The following WASHC2A variants were observed in gnomAD, a reference collection of about 807,000 sequenced individuals.
The protein encoded by WASHC2A is WASH complex subunit 2A.
A neutral mutation model predicts 140.3 loss-of-function variants in WASHC2A; 82 were observed. That is an observed-to-expected ratio of 0.58 (90% CI 0.49 to 0.70). The LOEUF (loss-of-function observed/expected upper bound fraction) is 0.70. Among genes scored for constraint, WASHC2A ranks in the 30% least tolerant of loss-of-function variants. The pLI, the probability that WASHC2A is intolerant of heterozygous loss-of-function variation, is 0.00. For synonymous variants in WASHC2A, 340 were observed against 560.8 expected, an observed-to-expected ratio of 0.61 and a Z score of 5.56; for missense variants, 985 against 1,521.8, an observed-to-expected ratio of 0.65 and a Z score of 5.87.
intron 5 of WASHC2A, among the ~76,000 whole-genome samples, chr10:50,083,582 A>T (rs1589167046): frequency 1.4e-5 from 1 of 69,780 alleles, no homozygotes. Context: ...TTTGAGATGG[A>T]GTTTTGCTCT....
intron 13 of WASHC2A, among the ~76,000 whole-genome samples, chr10:50,094,557 T>C (rs1255791081): frequency 2.6e-5 from 4 of 152,230 alleles, no homozygotes; most frequent in Non-Finnish European, 5.9e-5. Flanking sequence ...TCTTGGGACT[T>C]GGGAATTAGT....
At chr10:50,120,682 A>G (rs1178271838) in intron 23 of WASHC2A, among the ~76,000 whole-genome samples, 2 of 147,800 alleles carry the variant, frequency 1.4e-5, no homozygotes, top group Non-Finnish European at 2.9e-5. Flanking sequence ...CCCTGATATT[A>G]AAACTAGACA....
Position 50,127,462 on chromosome 10 carries a change from T to C in WASHC2A, c.2875-121T>C. The C allele has an allele frequency of 4.4e-6, 7 of 1,608,782 alleles. No homozygotes were observed. In the South Asian group the frequency reaches 7.7e-5, roughly 18 times the overall value. ...CTGAGACTAGATCGGGCGATTTTCC[T>C]ACGTTTCTCTACTCCTCTCGTATTA... On this transcript the variant is annotated intron_variant, in intron 27 of 30. Transcript: ENST00000282633.
chr10:50,091,953 C>T (rs532117563), intron 10 of WASHC2A, among the ~76,000 whole-genome samples: 28 of 152,134 alleles, frequency 1.8e-4, no homozygotes, highest in Admixed American at 5.9e-4. Flanking sequence ...GAGCCTGGTA[C>T]GAAAGCAGAA....
At chr10:50,089,406 AC>A (rs1353227712) in intron 8 of WASHC2A, among the ~76,000 whole-genome samples, 1 of 150,502 alleles carries the variant, frequency 6.6e-6, no homozygotes, top group Non-Finnish European at 1.5e-5. Flanking sequence ...CATGCCTGGC[AC>A]AGTTCATTGA....
intron 21 of WASHC2A, among the ~76,000 whole-genome samples, chr10:50,115,711 G>T (rs1294264934): frequency 1.4e-5 from 2 of 142,530 alleles, no homozygotes; most frequent in Admixed American, 1.4e-4. Flanking sequence ...TTGCAGGTGA[G>T]GTTCAGCTTT....
At chr10:50,125,514 C>A in intron 25 of WASHC2A, 65 bp downstream of exon 25, 1 of 1,610,942 alleles carries the variant, frequency 6.2e-7, no homozygotes. Context: ...AAACTAACGT[C>A]CAGTTAGATC....
intron 21 of WASHC2A, among the ~76,000 whole-genome samples, chr10:50,116,238 T>C (rs1328179358): frequency 1.5e-4 from 16 of 107,848 alleles, no homozygotes; most frequent in African/African-American, 2.6e-4. Flanking sequence ...ACCTTAGTTA[T>C]ATATGAAGGA....
intron 8 of WASHC2A, among the ~76,000 whole-genome samples, chr10:50,088,958 C>CTTTTTTTT (rs1210204220): frequency 4.8e-5 from 2 of 41,372 alleles, no homozygotes; most frequent in African/African-American, 9.9e-5. Context: ...TTTTTCTTTC[C>CTTTTTTTT]TTTTTTTTTT....
intron 23 of WASHC2A, among the ~76,000 whole-genome samples, chr10:50,123,869 A>G (rs1311077783): frequency 4.6e-5 from 7 of 151,272 alleles, no homozygotes; most frequent in Non-Finnish European, 1.0e-4. Context: ...TTATACCAAT[A>G]CTATAAGCTT....
chr10:50,106,379 C>G lies in WASHC2A; in HGVS notation c.1783C>G (p.Leu595Val), dbSNP rs575678529. ...GTAAKKQTLC[L>V]QAQREEKAKA... Reference sequence around the variant, plus strand: ...AGCTGCTAAGAAGCAGACATTGTGTCTACAAGCTCAGAGAGAAGAGAAAGC... The same window carrying G: ...AGCTGCTAAGAAGCAGACATTGTGTGTACAAGCTCAGAGAGAAGAGAAAGC... The change falls in exon 19 of 31, where the codon CTA becomes GTA. Residue 595 changes from leucine (L) to valine (V), a missense_variant. Leu to Val is a conservative substitution (Grantham distance 32). Transcript: ENST00000282633. 2,192 of 1,611,930 alleles carry G rather than the reference C, an allele frequency of 1.4e-3. 46 individuals carry two copies. The South Asian group carries it at 0.023, about 17-fold the overall frequency.
Position 50,069,708 on chromosome 10 carries a change from G to A in WASHC2A, c.288G>A (p.Glu96=), listed in dbSNP as rs376743212. 5 of 1,611,456 alleles carry A rather than the reference G, an allele frequency of 3.1e-6. No homozygotes were observed. The highest frequency in any genetic ancestry group is 4.2e-6 in the Non-Finnish European group (5 of 1,179,176). The part of the protein sequence containing the change: ...FLMLSNTQFI[E]NRVYDEEVEE... The stretch of plus-strand genomic sequence containing the variant: ...TGCTCTCTAATACCCAGTTCATTGA[G>A]AATGTGAGTTATTTAGTTATATTAT... Residue 96 remains glutamate, a synonymous_variant, in exon 3 of 31, where the codon GAG becomes GAA. Coordinates refer to ENST00000282633, the MANE Select transcript of WASHC2A (RefSeq NM_001005751.3).
chr10:50,072,273 C>T, intron 3 of WASHC2A, among the ~76,000 whole-genome samples: 1 of 150,718 alleles, frequency 6.6e-6, no homozygotes, highest in African/African-American at 2.4e-5. Flanking sequence ...CTTGATGCCC[C>T]TTCGCCTTCC....
rs1207982354 is a variant in WASHC2A at position 50,077,010 on chromosome 10, G to A, written c.292-1665G>A. ...CAGGCACCTGTAGTCCCAGCTACTCGGGAGGCTGAGGCAGGAGAATGGCGT... is the reference window on the plus strand; with the variant it reads ...CAGGCACCTGTAGTCCCAGCTACTCAGGAGGCTGAGGCAGGAGAATGGCGT... On this transcript the variant is annotated intron_variant, in intron 3 of 30. Transcript: ENST00000282633. Among the ~76,000 whole-genome samples the A allele has an allele frequency of 2.3e-3, 341 of 149,964 alleles. 2 individuals are homozygous for A. The highest frequency in any genetic ancestry group is 4.6e-3 in the South Asian group (22 of 4,778).
In WASHC2A at chr10:50,110,303, C is replaced by T. The variant is rs1484154539; in HGVS notation, c.2039+33C>T. ...AGTCATTGGAAGGAGTCCCTCACTC[C>T]GTTACCGTGGTAACAAGAAAAGGAA... On this transcript the variant is annotated intron_variant, in intron 20 of 30. Coordinates refer to ENST00000282633, the MANE Select transcript of WASHC2A (RefSeq NM_001005751.3). 2.6e-4 allele frequency: 420 copies of T among 1,606,848 alleles called. 3 individuals carry two copies. Among genetic ancestry groups the T allele is most frequent in the Non-Finnish European group, 7.1e-5 (83 of 1,175,510 alleles).
At chr10:50,109,970 C>G in intron 19 of WASHC2A, 131 bp from the exon 20 acceptor site, 1 of 1,155,060 alleles carries the variant, frequency 8.7e-7, no homozygotes, top group Non-Finnish European at 1.2e-6. Context: ...CGGGGTTTCA[C>G]CATGTTAGCA....
intron 3 of WASHC2A, among the ~76,000 whole-genome samples, chr10:50,078,452 T>C (rs1838569166): frequency 6.6e-6 from 1 of 151,940 alleles, no homozygotes; most frequent in African/African-American, 2.4e-5. Flanking sequence ...TCCTAGTCAT[T>C]TGTATTTAAA....
chr10:50,131,133 G>A lies in WASHC2A; in HGVS notation c.3886+55G>A, dbSNP rs1843930840. 4 of 1,611,810 alleles carry A rather than the reference G, an allele frequency of 2.5e-6. No individual in the cohort carries two copies. The Admixed American group carries it at 5.0e-5, about 20-fold the overall frequency. The stretch of plus-strand genomic sequence containing the variant: ...AGAATTCTTACCTTTCTGTCACTTG[G>A]TATTTTTCTTGCTACCTTTTCTTGG... On this transcript the variant is annotated intron_variant, in intron 30 of 30. Coordinates refer to ENST00000282633, the MANE Select transcript of WASHC2A (RefSeq NM_001005751.3).
In WASHC2A at chr10:50,129,442, G is replaced by A. The variant is rs1283048093; in HGVS notation, c.3111G>A (p.Lys1037=). ...ANKSRVKMRG[K]RRPQTRAARR... ...AGAGCCGTGTCAAGATGAGAGGGAA[G>A]CGTAGACCGCAGACCCGTGCAGCTA... is the stretch of plus-strand genomic sequence containing the variant. Residue 1037 remains lysine, a synonymous_variant, in exon 29 of 31, where the codon AAG becomes AAA. Transcript: ENST00000282633. The A allele has an allele frequency of 1.2e-6, 2 of 1,612,000 alleles. No homozygotes were observed. The highest frequency in any genetic ancestry group is 1.3e-5 in the African/African-American group (1 of 74,982).
Sources: allele counts gnomAD v4.1 joint callset (sites outside exome capture counted in the v4.1 genomes callset), GRCh38; gene constraint gnomAD v4.1.1; transcripts MANE v1.5; gene names NCBI Gene and HGNC (gene_info 2026-07-23, HGNC 2026-07-21).